The following PIK3C2B variants were observed in gnomAD, a reference collection of about 807,000 sequenced individuals.
PIK3C2B encodes phosphatidylinositol-4-phosphate 3-kinase catalytic subunit type 2 beta.
A neutral mutation model predicts 184.3 loss-of-function variants in PIK3C2B; 83 were observed. The observed-to-expected ratio is 0.45, with a 90% CI of 0.38 to 0.54. The LOEUF (loss-of-function observed/expected upper bound fraction) is 0.54. PIK3C2B is among the 20% of genes least tolerant of loss of function. PIK3C2B has a pLI of 0.00. For synonymous variants in PIK3C2B, 779 were observed against 837.6 expected (o/e 0.93, Z 1.21); for missense variants, 1,736 against 2,113.5 (o/e 0.82, Z 3.50).
chr1:204,456,892 A>ACACACACACACACACACACC, intron 10 of PIK3C2B, 145 bp downstream of exon 10: 3 of 550,328 alleles, frequency 5.5e-6, no homozygotes, highest in Non-Finnish European at 9.4e-6. Flanking sequence ...ACACACACAC[A>ACACACACACACACACACACC]CACACACACA....
intron 12 of PIK3C2B, among the ~76,000 whole-genome samples, chr1:204,452,119 G>T (rs924660977): frequency 1.3e-5 from 2 of 152,128 alleles, no homozygotes; most frequent in African/African-American, 2.4e-5. Flanking sequence ...CCCTTCACAA[G>T]GCGCTAGGCA....
At chr1:204,479,269 C>T (rs1430411700) in intron 1 of PIK3C2B, among the ~76,000 whole-genome samples, 2 of 151,792 alleles carry the variant, frequency 1.3e-5, no homozygotes, top group Admixed American at 6.6e-5. Context: ...CCCCTCTTCC[C>T]TCACCCAAGA....
chr1:204,468,089 AT>A (rs993762948), intron 2 of PIK3C2B, among the ~76,000 whole-genome samples: 63 of 152,252 alleles, frequency 4.1e-4, no homozygotes, highest in African/African-American at 1.5e-3. Flanking sequence ...CATACTGCAT[AT>A]TTTTTCTAAA....
intron 23 of PIK3C2B, among the ~76,000 whole-genome samples, chr1:204,437,289 G>C (rs1465527028): frequency 2.0e-5 from 3 of 152,084 alleles, no homozygotes; most frequent in Non-Finnish European, 4.4e-5. Context: ...GAGGTCAGGA[G>C]TTCGCGACCA....
chr1:204,464,879 A>AT (rs1655623914), intron 3 of PIK3C2B, among the ~76,000 whole-genome samples: 1 of 152,136 alleles, frequency 6.6e-6, no homozygotes, highest in Admixed American at 6.5e-5. Flanking sequence ...TTAATGGAAA[A>AT]TTTTTTATGA....
At chr1:204,461,957 G>A (rs984670857) in intron 5 of PIK3C2B, among the ~76,000 whole-genome samples, 2 of 151,930 alleles carry the variant, frequency 1.3e-5, no homozygotes, top group Admixed American at 6.6e-5. Flanking sequence ...TGGAACCCCC[G>A]GAGCGTCCTT....
intron 2 of PIK3C2B, chr1:204,467,136 G>C: frequency 2.8e-6 from 1 of 351,308 alleles, no homozygotes; most frequent in South Asian, 2.1e-5. Context: ...GACATGCAGG[G>C]GATGGGGAAG....
rs559066022 is a variant in PIK3C2B, at chr1:204,460,775, G to T, written c.1311-114C>A. On this transcript the variant is annotated intron_variant, in intron 5 of 32. Coordinates refer to ENST00000684373, the MANE Select transcript of PIK3C2B (RefSeq NM_001377334.1). The stretch of plus-strand genomic sequence containing the variant: ...GAAAGAAGGTTTAGGTAAGGGGGTA[G>T]TACCCGTGTTGTACCCTACTTTGGC... 44 of 707,564 alleles carry T rather than the reference G, an allele frequency of 6.2e-5. No individual in the cohort carries two copies. In the East Asian group the frequency reaches 8.8e-4, roughly 14 times the overall value. 43.8% of individuals were successfully genotyped at this position (707,564 alleles called of 1,614,324 possible).
At chr1:204,480,443 T>A (rs1306539785) in intron 1 of PIK3C2B, among the ~76,000 whole-genome samples, 1 of 152,080 alleles carries the variant, frequency 6.6e-6, no homozygotes, top group Admixed American at 6.5e-5. Flanking sequence ...GTAGACCCGA[T>A]GAAGGGAGGC....
Position 204,478,587 on chromosome 1 carries a change from G to A in PIK3C2B, c.-84-8701C>T, listed in dbSNP as rs143139489. 1.4e-4 allele frequency among the ~76,000 whole-genome samples: 21 copies of A among 152,260 alleles called. No homozygotes were observed. The East Asian group carries it at 3.7e-3, about 27-fold the overall frequency. On this transcript the variant is annotated intron_variant, in intron 1 of 32. Coordinates refer to ENST00000684373, the MANE Select transcript of PIK3C2B (RefSeq NM_001377334.1). ...CTCTTCTCTAGTGTGCGTGCCCTCT[G>A]GGTGCCTCTCATCTAGTTCCAAATG...
At position 204,452,906 on chromosome 1, in the gene PIK3C2B, C is replaced by T. The variant is rs1293805849; in HGVS notation, c.2066+1763G>A. 3.9e-5 allele frequency among the ~76,000 whole-genome samples: 6 copies of T among 152,072 alleles called. No individual in the cohort carries two copies. The South Asian group carries it at 1.2e-3, about 32-fold the overall frequency. ...TTCCTGATCTCAAGTGATTATCCCG[C>T]CTTGTCCTCCCAAAGTACGGTGAGA... is the stretch of plus-strand genomic sequence containing the variant. On this transcript the variant is annotated intron_variant, in intron 12 of 32. Coordinates refer to ENST00000684373, the MANE Select transcript of PIK3C2B (RefSeq NM_001377334.1).
At chr1:204,481,722 C>T (rs1382124899) in intron 1 of PIK3C2B, among the ~76,000 whole-genome samples, 1 of 152,194 alleles carries the variant, frequency 6.6e-6, no homozygotes, top group Non-Finnish European at 1.5e-5. Flanking sequence ...GAGAATGCCA[C>T]AGAAGGAGCC....
At position 204,444,221 on chromosome 1, in the gene PIK3C2B, A is replaced by T. The variant is rs17847758; in HGVS notation, c.2773-59T>A. On this transcript the variant is annotated intron_variant, in intron 17 of 32. Transcript: ENST00000684373. Reference sequence around the variant, plus strand: ...GCTTCATTAACTGCCTGTAACCTACACTTATTATTATTGCACTGGGATCTC... The same window carrying T: ...GCTTCATTAACTGCCTGTAACCTACTCTTATTATTATTGCACTGGGATCTC... 1.9e-4 allele frequency: 276 copies of T among 1,427,314 alleles called. No homozygotes were observed. In the East Asian group the frequency reaches 6.2e-3, roughly 32 times the overall value. 88.4% of individuals were successfully genotyped at this position (1,427,314 alleles called of 1,614,324 possible). A position where few individuals can be genotyped will look rare whatever the true frequency, so the allele number is the denominator to read the frequency against.
chr1:204,466,857 G>C (rs1334220556), intron 2 of PIK3C2B: 1 of 533,052 alleles, frequency 1.9e-6, no homozygotes, highest in African/African-American at 1.9e-5. Context: ...GGGGTATCAG[G>C]CTGGCATTTG....
rs753876041 is a variant in PIK3C2B at position 204,469,141 on chromosome 1, C to T, written c.662G>A (p.Arg221His). Reference sequence around the variant, plus strand: ...ATCATAGTCCACAGACCCCAGTAGGCGCCCCTGACCCCCACCTCCCAGCAC... The same window carrying T: ...ATCATAGTCCACAGACCCCAGTAGGTGCCCCTGACCCCCACCTCCCAGCAC... ...EEVLGGGGQG[R>H]LLGSVDYDGI... is the part of the protein sequence containing the mutation. The change falls in exon 2 of 33, where the codon CGC becomes CAC. Residue 221 changes from arginine (R) to histidine (H), a missense_variant. Physicochemically the swap from Arg to His is conservative, Grantham distance 29. Around this residue, in one of 8 missense-constraint regions of PIK3C2B, gnomAD observed 404 missense variants for 418.0 expected, o/e 0.97. Coordinates refer to ENST00000684373, the MANE Select transcript of PIK3C2B (RefSeq NM_001377334.1). The T allele has an allele frequency of 1.3e-5, 21 of 1,614,048 alleles. No individual in the cohort carries two copies. The highest frequency in any genetic ancestry group is 5.3e-5 in the African/African-American group (4 of 74,922).
chr1:204,442,688 A>G, intron 19 of PIK3C2B, 55 bp from the exon 20 acceptor site: 1 of 1,207,708 alleles, frequency 8.3e-7, no homozygotes, highest in Non-Finnish European at 1.2e-6. Flanking sequence ...CATACTGAGA[A>G]CCAGACCTCT....
At chr1:204,484,190 T>G (rs952036199) in intron 1 of PIK3C2B, among the ~76,000 whole-genome samples, 1 of 152,128 alleles carries the variant, frequency 6.6e-6, no homozygotes, top group Non-Finnish European at 1.5e-5. Context: ...ATACCTTTTT[T>G]TCCCCCCTCT....
rs1558229881 is a variant in PIK3C2B at position 204,429,933 on chromosome 1, A to AG, written c.4385dup (p.Glu1463Ter). 6.2e-7 allele frequency: 1 copy of AG among 1,607,356 alleles called. No individual in the cohort carries two copies. The highest frequency in any genetic ancestry group is 1.7e-5 in the Admixed American group (1 of 59,994). ...CAAGCCCACCCACCTCGGCCACCTC[A>AG]GGGGGTGCGTGGATCAAGTGCCAGA... On this transcript the variant is annotated frameshift_variant, in exon 29 of 33. Coordinates refer to ENST00000684373, the MANE Select transcript of PIK3C2B (RefSeq NM_001377334.1). LOFTEE classifies it high-confidence loss of function.
intron 12 of PIK3C2B, among the ~76,000 whole-genome samples, chr1:204,451,269 G>A (rs1173171027): frequency 6.6e-6 from 1 of 152,228 alleles, no homozygotes; most frequent in Admixed American, 6.5e-5. Context: ...AAGGGGAGAG[G>A]GAGCTGGTCC....
Sources: gnomAD v4.1 joint callset for allele counts (sites outside exome capture counted in the v4.1 genomes callset) on GRCh38, gnomAD v4.1.1 for gene constraint, gnomAD v4.1.1 regional missense constraint, MANE v1.5 for transcripts, NCBI Gene and HGNC (gene_info 2026-07-23, HGNC 2026-07-21) for gene names.